Variants in KCNQ1 observed in about 807,000 individuals in gnomAD.
The protein encoded by KCNQ1 is potassium voltage-gated channel subfamily Q member 1.
In KCNQ1, 49 loss-of-function variants were observed where a neutral mutation model predicts 72.4. The observed-to-expected ratio is 0.68, with a 90% CI of 0.54 to 0.86. KCNQ1 has a LOEUF of 0.86. Ranked by LOEUF, KCNQ1 falls within the 40% of genes least tolerant of loss-of-function variation. The pLI, the probability that KCNQ1 is intolerant of heterozygous loss-of-function variation, is 0.00. For synonymous variants in KCNQ1, 450 were observed against 412.6 expected, an observed-to-expected ratio of 1.09 and a Z score of -1.10; for missense variants, 790 against 945.1, an observed-to-expected ratio of 0.84 and a Z score of 2.15.
Position 2,817,914 on chromosome 11 carries a change from G to A in KCNQ1, c.1795-29853G>A, listed in dbSNP as rs1176299007. Among the ~76,000 whole-genome samples the A allele has an allele frequency of 6.6e-6, 1 of 152,094 alleles. No individual in the cohort carries two copies. The highest frequency in any genetic ancestry group is 2.4e-5 in the African/African-American group (1 of 41,406). On this transcript the variant is annotated intron_variant, in intron 15 of 15. Coordinates refer to ENST00000155840, the MANE Select transcript of KCNQ1 (RefSeq NM_000218.3). This position sits in a 1 kb window ranked among gnomAD's most constrained non-coding sequence, Gnocchi z 6.1. ...AGCTTTGCGCAAATGCTCCACATTT[G>A]CATTTTAAAAGCCCTGAGAAGGCCT...
At chr11:2,791,311 C>T (rs1025388987) in intron 15 of KCNQ1, among the ~76,000 whole-genome samples, 3 of 151,546 alleles carry the variant, frequency 2.0e-5, no homozygotes, top group Non-Finnish European at 4.4e-5. Context: ...GCTGGGCTGG[C>T]CGCCTGCAGG....
At chr11:2,573,235 G>T (rs953251764) in intron 6 of KCNQ1, among the ~76,000 whole-genome samples, 4 of 152,186 alleles carry the variant, frequency 2.6e-5, no homozygotes, top group Admixed American at 2.0e-4. Context: ...GATTTGAGAG[G>T]GAAATCGGAG....
intron 6 of KCNQ1, among the ~76,000 whole-genome samples, chr11:2,575,176 C>T (rs1288943610): frequency 3.3e-5 from 5 of 152,322 alleles, no homozygotes; most frequent in Admixed American, 6.5e-5. Context: ...CCCCCCAGCC[C>T]GCAGCAGAGC....
chr11:2,650,024 A>G (rs1033629080), intron 10 of KCNQ1: 5 of 398,260 alleles, frequency 1.3e-5, no homozygotes, highest in African/African-American at 1.0e-4. Flanking sequence ...ATTGCAAAAC[A>G]CCTGTCTTCA....
chr11:2,457,538 T>C lies in KCNQ1; in HGVS notation c.386+12054T>C, dbSNP rs977688727. On this transcript the variant is annotated intron_variant, in intron 1 of 15. Transcript: ENST00000155840. This position sits in a 1 kb window ranked among gnomAD's most constrained non-coding sequence, Gnocchi z 5.0. ...AATGCAGAAACTGAAAACCAAATAC[T>C]GCGTGGTCTCATGGATTATAAGTGA... 2.0e-5 allele frequency among the ~76,000 whole-genome samples: 3 copies of C among 151,940 alleles called. No homozygotes were observed. Among genetic ancestry groups the C allele is most frequent in the Non-Finnish European group, 2.9e-5 (2 of 67,994 alleles).
In KCNQ1 at chr11:2,659,353, A is replaced by C; in HGVS notation, c.1394-2608A>C. The C allele has an allele frequency of 2.5e-6, 1 of 398,610 alleles. No individual in the cohort carries two copies. The highest frequency in any genetic ancestry group is 3.6e-5 in the East Asian group (1 of 28,072). 24.7% of individuals were successfully genotyped at this position (398,610 alleles called of 1,614,324 possible). ...AATGTCCTATAAATGGGATCCTATA[A>C]TATGTATTCTTTTGCATCTGGCTTC... On this transcript the variant is annotated intron_variant, in intron 10 of 15. Transcript: ENST00000155840. The surrounding 1 kb of genome is among the most constrained non-coding windows in gnomAD (Gnocchi z 4.3).
At position 2,679,748 on chromosome 11, in the gene KCNQ1, G is replaced by A. The variant is rs894942343; in HGVS notation, c.1514+17667G>A. The A allele has an allele frequency of 5.0e-6, 2 of 398,556 alleles. No individual in the cohort carries two copies. Among genetic ancestry groups the A allele is most frequent in the Admixed American group, 4.4e-5 (1 of 22,734 alleles). The allele number at this position is 398,556 out of a possible 1,614,324, so 24.7% of individuals were successfully genotyped here. ...CCAGATGCTGTGGACAGTGATGATGGGAAAATAGTCCCTGCTGCACACTAG... is the reference window on the plus strand; with the variant it reads ...CCAGATGCTGTGGACAGTGATGATGAGAAAATAGTCCCTGCTGCACACTAG... On this transcript the variant is annotated intron_variant, in intron 11 of 15. Transcript: ENST00000155840. This position sits in a 1 kb window ranked among gnomAD's most constrained non-coding sequence, Gnocchi z 4.8.
Position 2,629,234 on chromosome 11 carries a change from T to C in KCNQ1, c.1394-32727T>C, listed in dbSNP as rs116143740. The C allele has an allele frequency of 1.5e-3, 581 of 398,390 alleles. 4 individuals carry two copies. The highest frequency in any genetic ancestry group is 0.011 in the African/African-American group (528 of 48,756). 24.7% of individuals were successfully genotyped at this position (398,390 alleles called of 1,614,324 possible). A position where few individuals can be genotyped will look rare whatever the true frequency, so the allele number is the denominator to read the frequency against. ...TCTATTGATCTATGAACACCAGATA[T>C]CTTTCCATTTATTTGTATCATCTTA... On this transcript the variant is annotated intron_variant, in intron 10 of 15. Transcript: ENST00000155840.
chr11:2,845,917 T>A (rs1450554770), intron 15 of KCNQ1, among the ~76,000 whole-genome samples: 2 of 152,288 alleles, frequency 1.3e-5, no homozygotes, highest in Non-Finnish European at 2.9e-5. Context: ...TCAGCCTCCG[T>A]GGTAGGTGCT....
At chr11:2,689,106 A>G (rs1850546103) in intron 11 of KCNQ1, 1 of 398,650 alleles carries the variant, frequency 2.5e-6, no homozygotes. Context: ...AGTCTGGCCC[A>G]AGGCCTGCCC....
chr11:2,609,865 A>G (rs967811426), intron 10 of KCNQ1: 9 of 398,152 alleles, frequency 2.3e-5, no homozygotes, highest in East Asian at 1.1e-4. Flanking sequence ...CTTACATGAT[A>G]TATCTTTTTC....
rs574626817 is a variant in KCNQ1, at chr11:2,748,587, G to T, written c.1515-20257G>T. ...GGCAACCAGGACCCAGCATGAAACT[G>T]CAGGTGCAGGAGCCCCAGCCAGCCT... On this transcript the variant is annotated intron_variant, in intron 11 of 15. Coordinates refer to ENST00000155840, the MANE Select transcript of KCNQ1 (RefSeq NM_000218.3). The surrounding 1 kb of genome is among the most constrained non-coding windows in gnomAD (Gnocchi z 6.2). 2.6e-5 allele frequency among the ~76,000 whole-genome samples: 4 copies of T among 152,214 alleles called. No individual in the cohort carries two copies. The highest frequency in any genetic ancestry group is 5.9e-5 in the Non-Finnish European group (4 of 68,024).
At position 2,446,510 on chromosome 11, in the gene KCNQ1, C is replaced by T. The variant is rs1846039328; in HGVS notation, c.386+1026C>T. On this transcript the variant is annotated intron_variant, in intron 1 of 15. Transcript: ENST00000155840. This position sits in a 1 kb window ranked among gnomAD's most constrained non-coding sequence, Gnocchi z 8.8. ...GCTCAGTAGAGAACTGGCTGGAGGG[C>T]ATCCAGAGGCCTGTCCATGCCTGCT... Among the ~76,000 whole-genome samples, 1 of 152,338 alleles carries T rather than the reference C, an allele frequency of 6.6e-6. No individual in the cohort carries two copies. The highest frequency in any genetic ancestry group is 6.5e-5 in the Admixed American group (1 of 15,310).
intron 15 of KCNQ1, among the ~76,000 whole-genome samples, chr11:2,847,111 C>A (rs1590129422): frequency 1.3e-5 from 2 of 152,194 alleles, no homozygotes; most frequent in East Asian, 3.9e-4. Flanking sequence ...CCACCCCCAC[C>A]CCCTTGCAGA....
chr11:2,754,213 A>G (rs1174653050), intron 11 of KCNQ1, among the ~76,000 whole-genome samples: 1 of 152,228 alleles, frequency 6.6e-6, no homozygotes, highest in Non-Finnish European at 1.5e-5. Context: ...TAGCCATGCC[A>G]TGTATCTGGA....
chr11:2,608,511 T>C lies in KCNQ1; in HGVS notation c.1393+19657T>C. ...CTTTTTGAGAAACAGAGTCTCTCTCTGTTGCCCAGGCTGGAATAGAGTGGT... is the reference window on the plus strand; with the variant it reads ...CTTTTTGAGAAACAGAGTCTCTCTCCGTTGCCCAGGCTGGAATAGAGTGGT... On this transcript the variant is annotated intron_variant, in intron 10 of 15. Transcript: ENST00000155840. The surrounding 1 kb of genome is among the most constrained non-coding windows in gnomAD (Gnocchi z 4.6). The C allele has an allele frequency of 2.5e-6, 1 of 398,552 alleles. No individual in the cohort carries two copies. The highest frequency in any genetic ancestry group is 4.4e-6 in the Non-Finnish European group (1 of 226,008). 24.7% of individuals were successfully genotyped at this position (398,552 alleles called of 1,614,324 possible).
At chr11:2,733,989 CT>C (rs1234635746) in intron 11 of KCNQ1, among the ~76,000 whole-genome samples, 3 of 152,038 alleles carry the variant, frequency 2.0e-5, no homozygotes, top group African/African-American at 7.2e-5. Context: ...CACGCTTCCC[CT>C]GAACATCCTC....
At chr11:2,530,573 A>T (rs140364778) in intron 2 of KCNQ1, among the ~76,000 whole-genome samples, 20 of 152,320 alleles carry the variant, frequency 1.3e-4, no homozygotes, top group African/African-American at 4.6e-4. Flanking sequence ...GAATGTGTAC[A>T]CGCATGTGCG....
chr11:2,553,169 T>TTTTG (rs1564814900), intron 2 of KCNQ1, among the ~76,000 whole-genome samples: 2 of 141,354 alleles, frequency 1.4e-5, no homozygotes, highest in African/African-American at 5.5e-5. Flanking sequence ...TTTGTTTTTT[T>TTTTG]TTTTTTTGTT....
Sources: allele counts gnomAD v4.1 joint callset (sites outside exome capture counted in the v4.1 genomes callset), GRCh38; gene constraint gnomAD v4.1.1; non-coding constraint Gnocchi (gnomAD v3.1); transcripts MANE v1.5; gene names NCBI Gene and HGNC (gene_info 2026-07-23, HGNC 2026-07-21).